Variants in BIRC6 observed in about 807,000 individuals in gnomAD.
BIRC6 encodes baculoviral IAP repeat containing 6.
Under a neutral mutation model 503.3 loss-of-function variants are expected in BIRC6, and 98 were observed. The observed-to-expected ratio is 0.19, with a 90% CI of 0.17 to 0.23. BIRC6 has a LOEUF of 0.23. Ranked by LOEUF, BIRC6 falls within the 10% of genes least tolerant of loss-of-function variation. BIRC6 has a pLI of 1.00. For synonymous variants in BIRC6, 2,240 were observed against 2,078.7 expected (o/e 1.08, Z -2.11); for missense variants, 5,360 against 5,806.0 (o/e 0.92, Z 2.50).
intron 66 of BIRC6, among the ~76,000 whole-genome samples, chr2:32,582,009 C>T (rs2060707123): frequency 1.3e-5 from 2 of 152,080 alleles, no homozygotes; most frequent in East Asian, 3.9e-4. Context: ...GAGGCCCTTA[C>T]CACCACACCT....
At chr2:32,458,530 G>T (rs1256636688) in intron 23 of BIRC6, among the ~76,000 whole-genome samples, 3 of 150,826 alleles carry the variant, frequency 2.0e-5, no homozygotes, top group African/African-American at 7.3e-5. Context: ...TTTTATACTT[G>T]TTCTATCTTC....
chr2:32,361,540 A>G (rs940278981), intron 1 of BIRC6, among the ~76,000 whole-genome samples: 4 of 152,172 alleles, frequency 2.6e-5, no homozygotes, highest in Admixed American at 2.6e-4. Flanking sequence ...CCCAAAGTGC[A>G]TAGTTTACAT....
In BIRC6 at chr2:32,445,510, A is replaced by G. The variant is rs758188530; in HGVS notation, c.4337-11A>G. On this transcript the variant is annotated splice_polypyrimidine_tract_variant and intron_variant, in intron 20 of 73. Coordinates refer to ENST00000421745, the MANE Select transcript of BIRC6 (RefSeq NM_016252.4). ...AAAAAGAAACATTTATTTTGTTTTT[A>G]TTGTTTCCAGGTTCTGTCTATTGGT... The G allele has an allele frequency of 6.5e-7, 1 of 1,529,600 alleles. No individual in the cohort carries two copies. Among genetic ancestry groups the G allele is most frequent in the South Asian group, 1.3e-5 (1 of 79,722 alleles). 94.8% of individuals were successfully genotyped at this position (1,529,600 alleles called of 1,614,324 possible).
chr2:32,553,263 A>T lies in BIRC6; in HGVS notation c.13144+3782A>T, dbSNP rs546110495. Among the ~76,000 whole-genome samples, 235 of 89,554 alleles carry T rather than the reference A, an allele frequency of 2.6e-3. 3 individuals carry two copies. The highest frequency in any genetic ancestry group is 9.5e-3 in the African/African-American group (225 of 23,686). 58.8% of individuals were successfully genotyped at this position (89,554 alleles called of 152,430 possible). On this transcript the variant is annotated intron_variant, in intron 65 of 73. Transcript: ENST00000421745. ...AAATTCCTGATATTTCATCTTTTTGAATTTACTGTTTCTAGCAAAAGATTT... is the reference window on the plus strand; with the variant it reads ...AAATTCCTGATATTTCATCTTTTTGTATTTACTGTTTCTAGCAAAAGATTT...
At chr2:32,603,960 G>A (rs1445630674) in intron 71 of BIRC6, among the ~76,000 whole-genome samples, 4 of 151,560 alleles carry the variant, frequency 2.6e-5, no homozygotes, top group African/African-American at 9.7e-5. Context: ...AAACACTTTA[G>A]CTTGGTATAA....
At chr2:32,454,140 C>G (rs1008919181) in intron 23 of BIRC6, among the ~76,000 whole-genome samples, 198 bp downstream of exon 23, 1 of 151,882 alleles carries the variant, frequency 6.6e-6, no homozygotes, top group Admixed American at 6.6e-5. Context: ...TTATTTTTCC[C>G]CCTGTACCCA....
At chr2:32,560,134 T>C (rs1343770294) in intron 65 of BIRC6, among the ~76,000 whole-genome samples, 2 of 152,198 alleles carry the variant, frequency 1.3e-5, no homozygotes, top group Non-Finnish European at 2.9e-5. Context: ...AAAAGCATAC[T>C]TACGTAACTA....
rs942023553 is a variant in BIRC6, at chr2:32,389,039, A to G, written c.839+96A>G. Reference sequence around the variant, plus strand: ...TAGAAAATCTGGTTATGATTTTTAAAAATTTCACAATTTCTAGCCTAATTT... The same window carrying G: ...TAGAAAATCTGGTTATGATTTTTAAGAATTTCACAATTTCTAGCCTAATTT... On this transcript the variant is annotated intron_variant, in intron 4 of 73. Coordinates refer to ENST00000421745, the MANE Select transcript of BIRC6 (RefSeq NM_016252.4). 6 of 863,552 alleles carry G rather than the reference A, an allele frequency of 6.9e-6. No individual in the cohort carries two copies. In the Admixed American group the frequency reaches 1.2e-4, roughly 17 times the overall value. The allele number at this position is 863,552 out of a possible 1,614,324, so 53.5% of individuals were successfully genotyped here.
rs61754200 is a variant in BIRC6, at chr2:32,515,228, C to G, written c.10807C>G (p.Leu3603Val). 12,899 of 1,613,852 alleles carry G rather than the reference C, an allele frequency of 8.0e-3. 73 individuals are homozygous for G. Among genetic ancestry groups the G allele is most frequent in the Non-Finnish European group, 9.8e-3 (11,606 of 1,179,862 alleles). ...TGACTCTAAAAATGCACAAGCACCT[C>G]TCGCATTAACTGAATCACATTTGGC... ...TDDSKNAQAPLALTESHLATL... is the reference protein window; with the variant it reads ...TDDSKNAQAPVALTESHLATL... Residue 3603 changes from leucine to valine, a missense_variant, in exon 55 of 74, where the codon CTC (leucine) becomes GTC (valine). Around this residue, in one of 16 missense-constraint regions of BIRC6, gnomAD observed 878 missense variants for 928.9 expected, o/e 0.95. Transcript: ENST00000421745.
At chr2:32,597,704 T>A in intron 68 of BIRC6, 47 bp from the exon 69 acceptor site, 1 of 1,398,970 alleles carries the variant, frequency 7.1e-7, no homozygotes, top group Non-Finnish European at 1.0e-6. Context: ...TTTGTCATTA[T>A]AACAATTTTT....
intron 72 of BIRC6, among the ~76,000 whole-genome samples, chr2:32,609,981 C>A (rs1032762147): frequency 2.0e-5 from 3 of 152,108 alleles, no homozygotes; most frequent in African/African-American, 7.2e-5. Context: ...CTTTGAATGC[C>A]CTGGGCTTTT....
chr2:32,574,204 C>G (rs2060106791), intron 65 of BIRC6, among the ~76,000 whole-genome samples: 1 of 149,324 alleles, frequency 6.7e-6, no homozygotes, highest in African/African-American at 2.5e-5. Flanking sequence ...CCCTATCACC[C>G]AGGCTGGAGT....
rs542376337 is a variant in BIRC6, at chr2:32,415,193, C to T, written c.1902C>T (p.Ser634=). 3.7e-5 allele frequency: 60 copies of T among 1,613,802 alleles called. No homozygotes were observed. Among genetic ancestry groups the T allele is most frequent in the Non-Finnish European group, 4.6e-5 (54 of 1,179,856 alleles). The change falls in exon 10 of 74, where the codon AGC becomes AGT. Residue 634 remains serine, a synonymous_variant. Transcript: ENST00000421745. The stretch of plus-strand genomic sequence containing the variant: ...CTTTACCGGTTTTGCTTCTTTATAG[C>T]ATCAAGGAATCTGATGAGAAAGCAG... ...RRTLPVLLLY[S]IKESDEKAGK...
chr2:32,516,439 C>CA (rs553566179), intron 55 of BIRC6, among the ~76,000 whole-genome samples: 1 of 150,464 alleles, frequency 6.6e-6, no homozygotes, highest in South Asian at 2.1e-4. Context: ...TTGCTTGAAT[C>CA]AGAGAGGTGG....
chr2:32,454,744 C>G (rs1338622685), intron 23 of BIRC6, among the ~76,000 whole-genome samples: 1 of 152,028 alleles, frequency 6.6e-6, no homozygotes, highest in Admixed American at 6.6e-5. Flanking sequence ...TTAGCTGGTT[C>G]CAGAATAGCA....
chr2:32,577,111 T>A (rs1426845367), intron 66 of BIRC6, among the ~76,000 whole-genome samples: 2 of 152,130 alleles, frequency 1.3e-5, no homozygotes, highest in Non-Finnish European at 2.9e-5. Context: ...ACTGAACATC[T>A]GATTGTCTCA....
intron 60 of BIRC6, 122 bp from the exon 61 acceptor site, chr2:32,531,233 A>G: frequency 2.6e-6 from 2 of 770,908 alleles, no homozygotes; most frequent in South Asian, 4.1e-5. Context: ...ATCTAAATAA[A>G]TGATGTTTTG....
chr2:32,503,858 C>G lies in BIRC6; in HGVS notation c.9499+622C>G, dbSNP rs142743643. Among the ~76,000 whole-genome samples, 50 of 152,164 alleles carry G rather than the reference C, an allele frequency of 3.3e-4. 1 individual carries two copies. In the East Asian group the frequency reaches 8.9e-3, roughly 27 times the overall value. ...TTAAATGTTAATCAATTTTAAATCT[C>G]ATTTTCCTTCTTAAAGTGGTGCTGT... On this transcript the variant is annotated intron_variant, in intron 49 of 73. Transcript: ENST00000421745.
intron 19 of BIRC6, among the ~76,000 whole-genome samples, 193 bp downstream of exon 19, chr2:32,442,648 A>G (rs1223373278): frequency 2.6e-5 from 4 of 152,196 alleles, no homozygotes; most frequent in Non-Finnish European, 5.9e-5. Flanking sequence ...ATGTTAAATA[A>G]GTCTATTTAA....
Sources: gnomAD v4.1 joint callset for allele counts (sites outside exome capture counted in the v4.1 genomes callset) on GRCh38, gnomAD v4.1.1 for gene constraint, gnomAD v4.1.1 regional missense constraint, MANE v1.5 for transcripts, NCBI Gene and HGNC (gene_info 2026-07-23, HGNC 2026-07-21) for gene names.